Variants in RRP15 observed in about 807,000 individuals in gnomAD.
RRP15 encodes the protein RRP15-like protein.
RRP15 carries 18 observed loss-of-function variants against 27.1 expected under a neutral mutation model. The observed-to-expected ratio is 0.66, with a 90% CI of 0.46 to 0.98. The LOEUF is 0.98. RRP15 is among the 50% of genes least tolerant of loss of function. The pLI is 0.00. For missense variants in RRP15, 359 were observed against 337.8 expected (o/e 1.06, Z -0.49); for synonymous variants, 107 against 109.4 (o/e 0.98, Z 0.14).
rs538917604 is a variant in RRP15, at chr1:218,292,177, A to C, written c.139+6722A>C. 6.2e-4 allele frequency among the ~76,000 whole-genome samples: 94 copies of C among 152,318 alleles called. 2 individuals carry two copies. The South Asian group carries it at 0.019, about 31-fold the overall frequency. On this transcript the variant is annotated intron_variant, in intron 1 of 4. Coordinates refer to ENST00000366932, the MANE Select transcript of RRP15 (RefSeq NM_016052.4). ...ACAAACTTTAATGCAAACTCATAGCACCATACATTTTGGGCATACTGTACT... is the reference window on the plus strand; with the variant it reads ...ACAAACTTTAATGCAAACTCATAGCCCCATACATTTTGGGCATACTGTACT...
chr1:218,320,605 G>C (rs538081201), intron 4 of RRP15, among the ~76,000 whole-genome samples: 2 of 152,234 alleles, frequency 1.3e-5, no homozygotes, highest in East Asian at 3.9e-4. Flanking sequence ...CCACCAAATA[G>C]AACCGCTTTG....
chr1:218,308,102 T>A (rs545976551), intron 4 of RRP15, among the ~76,000 whole-genome samples: 110 of 143,076 alleles, frequency 7.7e-4, no homozygotes, highest in Admixed American at 2.6e-3. Flanking sequence ...GATGGAGTCT[T>A]GCTCCCTGGC....
chr1:218,313,222 T>A (rs192650117), intron 4 of RRP15, among the ~76,000 whole-genome samples: 1 of 152,322 alleles, frequency 6.6e-6, no homozygotes, highest in Admixed American at 6.5e-5. Flanking sequence ...GGCTGAAGGA[T>A]GGTCAGAAGA....
At chr1:218,295,814 G>A (rs1252903874) in intron 1 of RRP15, among the ~76,000 whole-genome samples, 2 of 152,102 alleles carry the variant, frequency 1.3e-5, no homozygotes, top group East Asian at 3.8e-4. Context: ...AATAGCACAT[G>A]TAATCACATC....
Position 218,334,004 on chromosome 1 carries a change from A to G in RRP15, c.*2913A>G, listed in dbSNP as rs1443790506. On this transcript the variant is annotated 3_prime_UTR_variant, in exon 5 of 5. Transcript: ENST00000366932. ...TTTCATATATAGAAATAATTATCTT[A>G]TTTCCTTATTTCATATATAGAATAT... 1 of 152,116 alleles carries G rather than the reference A, an allele frequency of 6.6e-6. No homozygotes were observed. The highest frequency in any genetic ancestry group is 6.5e-5 in the Admixed American group (1 of 15,280). The allele number at this position is 152,116 out of a possible 1,614,324, so 9.4% of individuals were successfully genotyped here.
Position 218,285,427 on chromosome 1 carries a change from C to T in RRP15, c.111C>T (p.Asp37=), listed in dbSNP as rs745347332. The T allele has an allele frequency of 6.2e-6, 10 of 1,613,908 alleles. No individual in the cohort carries two copies. Among genetic ancestry groups the T allele is most frequent in the Non-Finnish European group, 8.5e-6 (10 of 1,180,004 alleles). ...VTGAVASVLE[D]EATDTSDSEG... ...GAGCCGTAGCGTCGGTGCTGGAAGA[C>T]GAGGCCACAGACACTTCTGATAGTG... Residue 37 remains aspartate (D), a synonymous_variant, in exon 1 of 5, where the codon GAC becomes GAT. Coordinates refer to ENST00000366932, the MANE Select transcript of RRP15 (RefSeq NM_016052.4).
intron 4 of RRP15, among the ~76,000 whole-genome samples, chr1:218,322,817 G>A (rs1656207935): frequency 1.3e-5 from 2 of 152,050 alleles, no homozygotes; most frequent in African/African-American, 4.8e-5. Flanking sequence ...CTATGGGCTC[G>A]TTTTGCCCAC....
intron 2 of RRP15, 64 bp downstream of exon 2, chr1:218,302,623 A>C: frequency 6.4e-7 from 1 of 1,552,082 alleles, no homozygotes; most frequent in Non-Finnish European, 8.7e-7. Flanking sequence ...ATCTTGACCG[A>C]ACTGTTTCTT....
chr1:218,322,541 CT>C (rs562332852), intron 4 of RRP15, among the ~76,000 whole-genome samples: 1 of 149,312 alleles, frequency 6.7e-6, no homozygotes, highest in Non-Finnish European at 1.5e-5. Flanking sequence ...CTTGCTGTCC[CT>C]TTTTTTTTAA....
At chr1:218,309,444 G>A (rs1655954552) in intron 4 of RRP15, among the ~76,000 whole-genome samples, 1 of 152,026 alleles carries the variant, frequency 6.6e-6, no homozygotes, top group Admixed American at 6.6e-5. Flanking sequence ...CAGCACTTTG[G>A]GAGGCCAAGG....
intron 1 of RRP15, among the ~76,000 whole-genome samples, chr1:218,290,079 T>A (rs1655610118): frequency 6.6e-6 from 1 of 152,192 alleles, no homozygotes; most frequent in Admixed American, 6.5e-5. Flanking sequence ...GGCAATTGCT[T>A]CTTTAACCAT....
At chr1:218,293,430 G>A (rs1655675392) in intron 1 of RRP15, among the ~76,000 whole-genome samples, 1 of 152,146 alleles carries the variant, frequency 6.6e-6, no homozygotes, top group South Asian at 2.1e-4. Context: ...ATAGTACTGA[G>A]AAACTATAAA....
chr1:218,330,635 G>A (rs1656350951), intron 4 of RRP15, among the ~76,000 whole-genome samples: 1 of 152,038 alleles, frequency 6.6e-6, no homozygotes, highest in South Asian at 2.1e-4. Flanking sequence ...TGTCAGAAGT[G>A]CTTAAAAAAT....
chr1:218,312,536 T>C (rs114821548), intron 4 of RRP15, among the ~76,000 whole-genome samples: 2,183 of 152,290 alleles, frequency 0.014, 16 homozygotes, highest in Middle Eastern at 0.041. Context: ...GGTAAAATGT[T>C]GAATGTTAAA....
At chr1:218,301,613 AT>A (rs1240042663) in intron 1 of RRP15, 3 of 151,884 alleles carry the variant, frequency 2.0e-5, no homozygotes, top group Admixed American at 1.3e-4. Context: ...ACACTTACAC[AT>A]TTGTATCTTC....
intron 1 of RRP15, among the ~76,000 whole-genome samples, chr1:218,286,822 G>A (rs904004764): frequency 2.0e-5 from 3 of 152,158 alleles, no homozygotes; most frequent in African/African-American, 7.2e-5. Flanking sequence ...CTATTTGTTG[G>A]GCCAAAATTA....
Position 218,297,409 on chromosome 1 carries a change from A to G in RRP15, c.140-4885A>G, listed in dbSNP as rs368281278. 2.6e-5 allele frequency among the ~76,000 whole-genome samples: 4 copies of G among 152,286 alleles called. No individual in the cohort carries two copies. The East Asian group carries it at 7.7e-4, about 29-fold the overall frequency. ...ATTTCTGCATGTGTGTGTGGTGTGT[A>G]ATCAGCATTTAAGTGGTGCTTACTA... On this transcript the variant is annotated intron_variant, in intron 1 of 4. Transcript: ENST00000366932.
At chr1:218,314,742 C>T (rs181453554) in intron 4 of RRP15, among the ~76,000 whole-genome samples, 118 of 151,926 alleles carry the variant, frequency 7.8e-4, no homozygotes, top group African/African-American at 2.6e-3. Flanking sequence ...TCTGTAATCT[C>T]AGCACTTTGG....
At chr1:218,322,271 C>T (rs1306967847) in intron 4 of RRP15, among the ~76,000 whole-genome samples, 1 of 152,158 alleles carries the variant, frequency 6.6e-6, no homozygotes, top group Admixed American at 6.5e-5. Context: ...AAGCATGATA[C>T]TTGCTATCTG....
Sources: gnomAD v4.1 joint callset for allele counts (sites outside exome capture counted in the v4.1 genomes callset) on GRCh38, gnomAD v4.1.1 for gene constraint, MANE v1.5 for transcripts, NCBI Gene and HGNC (gene_info 2026-07-23, HGNC 2026-07-21) for gene names.